GRHL1: variants seen among roughly 807,000 people sequenced by gnomAD.
GRHL1 encodes the protein grainyhead like transcription factor 1.
Under a neutral mutation model 75.7 loss-of-function variants are expected in GRHL1, and 38 were observed. The ratio of observed to expected loss-of-function variants is 0.50; its 90% CI spans 0.39 to 0.66. The LOEUF is 0.66. Among genes scored for constraint, GRHL1 ranks in the 30% least tolerant of loss-of-function variants. GRHL1 has a pLI of 0.00. For missense variants in GRHL1, 589 were observed against 767.5 expected, an observed-to-expected ratio of 0.77 and a Z score of 2.75; for synonymous variants, 266 against 279.4, an observed-to-expected ratio of 0.95 and a Z score of 0.48.
chr2:9,976,917 G>A (rs1443185615), intron 8 of GRHL1, among the ~76,000 whole-genome samples: 4 of 152,196 alleles, frequency 2.6e-5, no homozygotes, highest in East Asian at 1.9e-4. Flanking sequence ...GAATGCTAAG[G>A]AATGTTGTCT....
chr2:9,965,356 C>T lies in GRHL1; in HGVS notation c.1085C>T (p.Thr362Ile). 1 of 1,608,362 alleles carries T rather than the reference C, an allele frequency of 6.2e-7. No individual in the cohort carries two copies. The highest frequency in any genetic ancestry group is 8.5e-7 in the Non-Finnish European group (1 of 1,174,772). ...EEIAYNAISFTWDINDEAKVF... is the reference protein window; with the variant it reads ...EEIAYNAISFIWDINDEAKVF... ...ATTGCGTATAACGCCATTTCCTTCACATGGGACATCAACGATGAAGCAAAG... is the reference window on the plus strand; with the variant it reads ...ATTGCGTATAACGCCATTTCCTTCATATGGGACATCAACGATGAAGCAAAG... Residue 362 changes from threonine (T) to isoleucine (I), a missense_variant, in exon 8 of 16, where the codon ACA (threonine) becomes ATA (isoleucine). By Grantham distance (89) the Thr-to-Ile change is moderately conservative. Around this residue, in one of 5 missense-constraint regions of GRHL1, gnomAD observed 362 missense variants for 461.8 expected, o/e 0.78. Coordinates refer to ENST00000324907, the MANE Select transcript of GRHL1 (RefSeq NM_198182.3).
chr2:9,990,825 T>A lies in GRHL1; in HGVS notation c.1321+78T>A. On this transcript the variant is annotated intron_variant, in intron 10 of 15. Coordinates refer to ENST00000324907, the MANE Select transcript of GRHL1 (RefSeq NM_198182.3). This position sits in a 1 kb window ranked among gnomAD's most constrained non-coding sequence, Gnocchi z 4.2. ...CCGGCAAGCTTCAGACCTTTTCCAT[T>A]GAGAATGGTGGCTGGAGTTTGCACG... is the stretch of plus-strand genomic sequence containing the variant. 8.5e-7 allele frequency: 1 copy of A among 1,171,760 alleles called. No individual in the cohort carries two copies. The highest frequency in any genetic ancestry group is 1.3e-6 in the Non-Finnish European group (1 of 795,754). 72.6% of individuals were successfully genotyped at this position (1,171,760 alleles called of 1,614,324 possible). A position where few individuals can be genotyped will look rare whatever the true frequency, so the allele number is the denominator to read the frequency against.
In GRHL1 at chr2:9,992,174, TAC is replaced by T; in HGVS notation, c.1461+29_1461+30del. ...AGGTAACCAGGATCCCAGGGGAGGT[TAC>T]CAGGAAGGAAGGCATGGCAAAAGGA... On this transcript the variant is annotated intron_variant, in intron 11 of 15. Transcript: ENST00000324907. This position sits in a 1 kb window ranked among gnomAD's most constrained non-coding sequence, Gnocchi z 4.6. 6.3e-7 allele frequency: 1 copy of T among 1,598,288 alleles called. No individual in the cohort carries two copies. The highest frequency in any genetic ancestry group is 8.5e-7 in the Non-Finnish European group (1 of 1,173,158).
intron 2 of GRHL1, among the ~76,000 whole-genome samples, chr2:9,958,292 G>A (rs1418146623): frequency 5.3e-5 from 8 of 150,286 alleles, no homozygotes; most frequent in African/African-American, 9.8e-5. Flanking sequence ...TCTTCTCACC[G>A]CAGTCTCTCT....
At position 10,000,747 on chromosome 2, in the gene GRHL1, T is replaced by C. The variant is rs1558323494; in HGVS notation, c.*40T>C. 2.6e-6 allele frequency: 3 copies of C among 1,138,584 alleles called. No individual in the cohort carries two copies. Among genetic ancestry groups the C allele is most frequent in the Non-Finnish European group, 4.0e-6 (3 of 750,968 alleles). 70.5% of individuals were successfully genotyped at this position (1,138,584 alleles called of 1,614,324 possible). On this transcript the variant is annotated 3_prime_UTR_variant, in exon 16 of 16. Coordinates refer to ENST00000324907, the MANE Select transcript of GRHL1 (RefSeq NM_198182.3). The stretch of plus-strand genomic sequence containing the variant: ...CAGCTCCCCAGGAGTTCAGTGCAGG[T>C]GTTTCTAGATCTTACGGTTTGGCAA...
At chr2:9,957,563 C>T (rs1667087712) in intron 2 of GRHL1, among the ~76,000 whole-genome samples, 1 of 152,072 alleles carries the variant, frequency 6.6e-6, no homozygotes, top group South Asian at 2.1e-4. Context: ...GCGTGTGCCA[C>T]CATGCCCAGC....
intron 8 of GRHL1, among the ~76,000 whole-genome samples, chr2:9,973,439 T>G (rs767030607): frequency 1.3e-5 from 2 of 152,232 alleles, no homozygotes; most frequent in South Asian, 4.1e-4. Context: ...CTATGATGAT[T>G]AAGTGTCTGC....
At chr2:9,961,016 G>T (rs1188779517) in intron 3 of GRHL1, 30 bp from the exon 4 acceptor site, 1 of 1,503,284 alleles carries the variant, frequency 6.7e-7, no homozygotes, top group South Asian at 1.3e-5. Flanking sequence ...CATCAGCATC[G>T]CGTTTGAAAG....
Position 9,998,601 on chromosome 2 carries a change from T to C in GRHL1, c.1678-364T>C, listed in dbSNP as rs13023560. On this transcript the variant is annotated intron_variant, in intron 14 of 15. Transcript: ENST00000324907. ...ACATATGTACATATATATGTACACA[T>C]ATATATATACATATATATGTACACA... 2.2e-3 allele frequency among the ~76,000 whole-genome samples: 111 copies of C among 50,708 alleles called. 23 individuals are homozygous for C. The highest frequency in any genetic ancestry group is 3.7e-3 in the African/African-American group (22 of 5,982). 33.3% of individuals were successfully genotyped at this position (50,708 alleles called of 152,430 possible). A position where few individuals can be genotyped will look rare whatever the true frequency, so the allele number is the denominator to read the frequency against.
chr2:9,996,977 C>T (rs956048240), intron 14 of GRHL1, among the ~76,000 whole-genome samples: 3 of 152,184 alleles, frequency 2.0e-5, no homozygotes, highest in African/African-American at 4.8e-5. Context: ...GTTAATTTCC[C>T]GTTCCAGCTG....
chr2:9,967,411 G>T (rs1397663629), intron 8 of GRHL1, among the ~76,000 whole-genome samples: 1 of 152,252 alleles, frequency 6.6e-6, no homozygotes, highest in African/African-American at 2.4e-5. Context: ...AAGATGACGG[G>T]TAGGGATAAT....
intron 8 of GRHL1, among the ~76,000 whole-genome samples, chr2:9,969,394 A>C (rs1459847149): frequency 6.6e-6 from 1 of 152,214 alleles, no homozygotes; most frequent in Non-Finnish European, 1.5e-5. Context: ...CATCCAAATG[A>C]GGCCTTCTGA....
rs1558321237 is a variant in GRHL1, at chr2:9,998,773, CATATATACGTATATATATGTACACACAT to C, written c.1678-166_1678-139del. Among the ~76,000 whole-genome samples, 69 of 28,376 alleles carry C rather than the reference CATATATACGTATATATATGTACACACAT, an allele frequency of 2.4e-3. 9 individuals are homozygous for C. The highest frequency in any genetic ancestry group is 0.026 in the Middle Eastern group (1 of 38). The allele number at this position is 28,376 out of a possible 152,430, so 18.6% of individuals were successfully genotyped here. On this transcript the variant is annotated intron_variant, in intron 14 of 15. Coordinates refer to ENST00000324907, the MANE Select transcript of GRHL1 (RefSeq NM_198182.3). ...ATATATACGTATATATATGTACACA[CATATATACGTATATATATGTACACACAT>C]ATATATACGTATATATATGTACACA...
intron 14 of GRHL1, among the ~76,000 whole-genome samples, chr2:9,997,734 A>G (rs1411526168): frequency 6.6e-6 from 1 of 151,910 alleles, no homozygotes; most frequent in Non-Finnish European, 1.5e-5. Flanking sequence ...GAGGCAGGAG[A>G]ATCACTTGAA....
In GRHL1 at chr2:9,968,202, C is replaced by T. The variant is rs950010700; in HGVS notation, c.1110+2821C>T. ...CACTTTGGGAAAAACACTGACGAAG[C>T]TAGGACCTATCTTACACTGGCCCTG... On this transcript the variant is annotated intron_variant, in intron 8 of 15. Coordinates refer to ENST00000324907, the MANE Select transcript of GRHL1 (RefSeq NM_198182.3). This position sits in a 1 kb window ranked among gnomAD's most constrained non-coding sequence, Gnocchi z 4.7. Among the ~76,000 whole-genome samples, 2 of 152,238 alleles carry T rather than the reference C, an allele frequency of 1.3e-5. No individual in the cohort carries two copies. The highest frequency in any genetic ancestry group is 2.9e-5 in the Non-Finnish European group (2 of 68,048).
intron 9 of GRHL1, among the ~76,000 whole-genome samples, chr2:9,989,879 A>G (rs1485131158): frequency 6.6e-6 from 1 of 151,986 alleles, no homozygotes; most frequent in African/African-American, 2.4e-5. Context: ...GATGATGCAT[A>G]TTTCTAGTTC....
intron 8 of GRHL1, among the ~76,000 whole-genome samples, chr2:9,985,134 G>C (rs1206201643): frequency 6.6e-6 from 1 of 151,704 alleles, no homozygotes. Flanking sequence ...GCAGACTTTT[G>C]AAACTGTGGG....
intron 1 of GRHL1, among the ~76,000 whole-genome samples, chr2:9,952,417 G>A (rs1666830217): frequency 2.0e-5 from 3 of 152,234 alleles, no homozygotes; most frequent in Admixed American, 2.0e-4. Context: ...GGCGGCATGA[G>A]TGGGAAAACG....
At chr2:9,981,568 G>T (rs1668198912) in intron 8 of GRHL1, among the ~76,000 whole-genome samples, 1 of 152,218 alleles carries the variant, frequency 6.6e-6, no homozygotes, top group Admixed American at 6.5e-5. Flanking sequence ...CATATCCGTG[G>T]CTGCTTTTAC....
Sources: allele counts gnomAD v4.1 joint callset (sites outside exome capture counted in the v4.1 genomes callset), GRCh38; gene constraint gnomAD v4.1.1; regional missense constraint gnomAD v4.1.1; non-coding constraint Gnocchi (gnomAD v3.1); transcripts MANE v1.5; gene names NCBI Gene and HGNC (gene_info 2026-07-23, HGNC 2026-07-21).